RGS7: variants seen among roughly 807,000 people sequenced by gnomAD.
RGS7 encodes regulator of G-protein signaling 7.
Under a neutral mutation model 81.1 loss-of-function variants are expected in RGS7, and 27 were observed. The ratio of observed to expected loss-of-function variants is 0.33; its 90% CI spans 0.25 to 0.46. The LOEUF (loss-of-function observed/expected upper bound fraction) is 0.46. Ranked by LOEUF, RGS7 falls within the 20% of genes least tolerant of loss-of-function variation. The pLI is 1.00. For missense variants in RGS7, 396 were observed against 607.4 expected, an observed-to-expected ratio of 0.65 and a Z score of 3.66; for synonymous variants, 208 against 207.7, an observed-to-expected ratio of 1.00 and a Z score of -0.01.
chr1:240,989,913 C>T (rs1686219247), intron 3 of RGS7, among the ~76,000 whole-genome samples: 1 of 152,174 alleles, frequency 6.6e-6, no homozygotes, highest in Non-Finnish European at 1.5e-5. Context: ...CAGAGACTGT[C>T]ATCCTTGCTC....
At chr1:241,175,155 G>C (rs1262965476) in intron 2 of RGS7, among the ~76,000 whole-genome samples, 4 of 152,014 alleles carry the variant, frequency 2.6e-5, no homozygotes, top group Non-Finnish European at 5.9e-5. Flanking sequence ...ACTGGCCTTG[G>C]CCTCTCAAAG....
intron 3 of RGS7, among the ~76,000 whole-genome samples, chr1:241,013,688 C>A (rs1036073403): frequency 3.3e-5 from 5 of 152,160 alleles, no homozygotes; most frequent in Admixed American, 3.3e-4. Flanking sequence ...AAAATTAGCT[C>A]AGCAAATATG....
chr1:241,252,556 G>A (rs911207441), intron 2 of RGS7, among the ~76,000 whole-genome samples: 3 of 152,000 alleles, frequency 2.0e-5, no homozygotes, highest in East Asian at 1.9e-4. Context: ...GTGTATTCTC[G>A]GTTTCCCAAG....
At chr1:240,933,493 T>C (rs1374431233) in intron 5 of RGS7, among the ~76,000 whole-genome samples, 1 of 152,062 alleles carries the variant, frequency 6.6e-6, no homozygotes, top group Non-Finnish European at 1.5e-5. Flanking sequence ...ACTAAACCAA[T>C]GTTCTTCACT....
chr1:241,258,887 AACAG>A (rs1477773228), intron 2 of RGS7, among the ~76,000 whole-genome samples: 2 of 152,216 alleles, frequency 1.3e-5, no homozygotes, highest in Non-Finnish European at 2.9e-5. Context: ...CTTCAAAGAC[AACAG>A]ACAATCAGCC....
intron 2 of RGS7, among the ~76,000 whole-genome samples, chr1:241,338,357 C>T (rs1481982948): frequency 2.0e-5 from 3 of 152,162 alleles, no homozygotes; most frequent in African/African-American, 7.2e-5. Context: ...ATCTCTACAA[C>T]TTTAAGCAGC....
chr1:240,866,402 T>G (rs1054391616), intron 9 of RGS7, among the ~76,000 whole-genome samples: 9 of 151,910 alleles, frequency 5.9e-5, no homozygotes, highest in Non-Finnish European at 1.0e-4. Flanking sequence ...TCCCAGCTAC[T>G]CAGGAGGCTG....
chr1:241,137,611 C>A (rs553806797), intron 2 of RGS7, among the ~76,000 whole-genome samples: 9 of 152,170 alleles, frequency 5.9e-5, no homozygotes, highest in Non-Finnish European at 1.0e-4. Flanking sequence ...ACATTAGGCT[C>A]AATTCAGGAT....
intron 2 of RGS7, among the ~76,000 whole-genome samples, chr1:241,279,397 T>C (rs2078384214): frequency 6.6e-6 from 1 of 152,200 alleles, no homozygotes; most frequent in African/African-American, 2.4e-5. Flanking sequence ...GTGTTGAAAT[T>C]GTATGACAAA....
rs73132761 is a variant in RGS7 at position 241,228,330 on chromosome 1, T to C, written c.78+127369A>G. On this transcript the variant is annotated intron_variant, in intron 2 of 18. Coordinates refer to ENST00000440928, the MANE Select transcript of RGS7 (RefSeq NM_001364886.1). Reference sequence around the variant, plus strand: ...TAGAAATCATGGAGCTGAAATAACATGCCCTGTCTAAATTGCTAACACACA... The same window carrying C: ...TAGAAATCATGGAGCTGAAATAACACGCCCTGTCTAAATTGCTAACACACA... Among the ~76,000 whole-genome samples the C allele has an allele frequency of 1.9e-3, 292 of 152,272 alleles. 2 individuals are homozygous for C. The highest frequency in any genetic ancestry group is 6.2e-3 in the African/African-American group (257 of 41,566).
intron 5 of RGS7, among the ~76,000 whole-genome samples, chr1:240,936,224 T>A (rs1676613049): frequency 6.6e-6 from 1 of 152,218 alleles, no homozygotes; most frequent in Admixed American, 6.5e-5. Context: ...ATCTGGAGTT[T>A]CAAGCATTCC....
At chr1:241,019,470 T>C (rs1430846779) in intron 3 of RGS7, among the ~76,000 whole-genome samples, 1 of 152,148 alleles carries the variant, frequency 6.6e-6, no homozygotes, top group African/African-American at 2.4e-5. Context: ...ACCTGTCACC[T>C]ACATTAGGTA....
chr1:241,045,565 T>C lies in RGS7; in HGVS notation c.175+53101A>G, dbSNP rs559761104. Among the ~76,000 whole-genome samples, 6 of 152,258 alleles carry C rather than the reference T, an allele frequency of 3.9e-5. No homozygotes were observed. In the South Asian group the frequency reaches 1.0e-3, roughly 26 times the overall value. ...TTTTAGTGGAGACAGGGTTTTACTATGTTGGCCAGGCTGGTCTTGAATTCC... is the reference window on the plus strand; with the variant it reads ...TTTTAGTGGAGACAGGGTTTTACTACGTTGGCCAGGCTGGTCTTGAATTCC... On this transcript the variant is annotated intron_variant, in intron 3 of 18. Transcript: ENST00000440928.
rs1454340706 is a variant in RGS7, at chr1:240,974,800, T to TA, written c.226+8278dup. 9.9e-5 allele frequency among the ~76,000 whole-genome samples: 15 copies of TA among 152,218 alleles called. No homozygotes were observed. In the East Asian group the frequency reaches 2.9e-3, roughly 29 times the overall value. On this transcript the variant is annotated intron_variant, in intron 4 of 18. Coordinates refer to ENST00000440928, the MANE Select transcript of RGS7 (RefSeq NM_001364886.1). Reference sequence around the variant, plus strand: ...ATGTGCTTGCACATATTCAGAGTTTTAAAAATTTGGCCTACATAAAAATAC... The same window carrying TA: ...ATGTGCTTGCACATATTCAGAGTTTTAAAAAATTTGGCCTACATAAAAATAC...
intron 6 of RGS7, among the ~76,000 whole-genome samples, chr1:240,930,205 T>C (rs964207760): frequency 6.6e-6 from 1 of 150,448 alleles, no homozygotes; most frequent in African/African-American, 2.4e-5. Context: ...TTATTAGCAT[T>C]GAATTTTCTT....
intron 3 of RGS7, among the ~76,000 whole-genome samples, chr1:241,069,470 G>T (rs937023660): frequency 1.3e-5 from 2 of 152,066 alleles, no homozygotes; most frequent in African/African-American, 4.8e-5. Context: ...TTACATCTTG[G>T]TAAATCTTCC....
At position 240,880,758 on chromosome 1, in the gene RGS7, G is replaced by A. The variant is rs972157386; in HGVS notation, c.386-10639C>T. Among the ~76,000 whole-genome samples the A allele has an allele frequency of 5.3e-5, 8 of 152,112 alleles. No individual in the cohort carries two copies. The South Asian group carries it at 6.2e-4, about 12-fold the overall frequency. Reference sequence around the variant, plus strand: ...GAATTCCATCCAATGCTAATTTCTCGAGAAAGTCTGACACCACCATGTCCC... The same window carrying A: ...GAATTCCATCCAATGCTAATTTCTCAAGAAAGTCTGACACCACCATGTCCC... On this transcript the variant is annotated intron_variant, in intron 6 of 18. Transcript: ENST00000440928.
At chr1:241,170,140 G>T (rs563429851) in intron 2 of RGS7, among the ~76,000 whole-genome samples, 8 of 152,114 alleles carry the variant, frequency 5.3e-5, no homozygotes, top group African/African-American at 1.9e-4. Context: ...GAATTCTCTT[G>T]ACATGCTAAT....
intron 2 of RGS7, among the ~76,000 whole-genome samples, chr1:241,261,270 C>A (rs1879746): frequency 6.6e-6 from 1 of 151,870 alleles, no homozygotes; most frequent in East Asian, 1.9e-4. Context: ...TAAGTGGATG[C>A]GGCTGGGAAC....
Sources: allele counts gnomAD v4.1 joint callset (sites outside exome capture counted in the v4.1 genomes callset), GRCh38; gene constraint gnomAD v4.1.1; transcripts MANE v1.5; gene names NCBI Gene and HGNC (gene_info 2026-07-23, HGNC 2026-07-21).